SLC26A7: variants seen among roughly 807,000 people sequenced by gnomAD.
SLC26A7 encodes the protein anion exchange transporter.
Under a neutral mutation model 82.5 loss-of-function variants are expected in SLC26A7, and 59 were observed. The observed-to-expected ratio is 0.72, with a 90% CI of 0.58 to 0.89. SLC26A7 has a LOEUF of 0.89. Ranked by LOEUF, SLC26A7 falls within the 40% of genes least tolerant of loss-of-function variation. The pLI, the probability that SLC26A7 is intolerant of heterozygous loss-of-function variation, is 0.00. For missense variants in SLC26A7, 820 were observed against 793.0 expected (o/e 1.03, Z -0.41); for synonymous variants, 271 against 274.3 (o/e 0.99, Z 0.12).
intron 2 of SLC26A7, among the ~76,000 whole-genome samples, chr8:91,221,284 G>A (rs992164308): frequency 6.6e-6 from 1 of 151,942 alleles, no homozygotes; most frequent in Non-Finnish European, 1.5e-5. Flanking sequence ...TTGTCAGATG[G>A]GTCGATTGCA....
chr8:91,210,161 T>C (rs1669296540), intron 1 of SLC26A7, among the ~76,000 whole-genome samples: 3 of 152,200 alleles, frequency 2.0e-5, no homozygotes, highest in African/African-American at 7.2e-5. Context: ...TCATATTAAC[T>C]TTGTGACTTG....
intron 2 of SLC26A7, among the ~76,000 whole-genome samples, chr8:91,265,104 C>G (rs932879664): frequency 6.6e-6 from 1 of 151,974 alleles, no homozygotes; most frequent in African/African-American, 2.4e-5. Context: ...TGAGATAAAC[C>G]TTTTTAGATT....
intron 8 of SLC26A7, 44 bp from the exon 9 acceptor site, chr8:91,343,309 C>T: frequency 7.9e-7 from 1 of 1,261,882 alleles, no homozygotes; most frequent in Non-Finnish European, 1.1e-6. Flanking sequence ...CTCTAAAAGT[C>T]TATTGTGATT....
intron 4 of SLC26A7, among the ~76,000 whole-genome samples, chr8:91,299,181 A>G (rs1812094775): frequency 6.6e-6 from 1 of 152,106 alleles, no homozygotes; most frequent in Non-Finnish European, 1.5e-5. Flanking sequence ...TTCAAATTTT[A>G]AGAGTTCTTT....
At chr8:91,213,778 A>G (rs1446336334) in intron 1 of SLC26A7, among the ~76,000 whole-genome samples, 1 of 152,180 alleles carries the variant, frequency 6.6e-6, no homozygotes, top group Non-Finnish European at 1.5e-5. Context: ...TGGAGAAGAA[A>G]GTAAACAGAA....
rs941231405 is a variant in SLC26A7, at chr8:91,384,519, C to A, written c.1676-4819C>A. 3.9e-5 allele frequency among the ~76,000 whole-genome samples: 6 copies of A among 152,230 alleles called. No individual in the cohort carries two copies. In the East Asian group the frequency reaches 9.6e-4, roughly 24 times the overall value. The stretch of plus-strand genomic sequence containing the variant: ...TTCGCAGTTTCTGGAGATTAAAATG[C>A]GTGCATCCTTAAGGGGCATTATTCT... On this transcript the variant is annotated intron_variant, in intron 15 of 18. Transcript: ENST00000276609.
chr8:91,314,849 G>A (rs546811300), intron 4 of SLC26A7, among the ~76,000 whole-genome samples: 1 of 152,202 alleles, frequency 6.6e-6, no homozygotes, highest in Admixed American at 6.5e-5. Context: ...TTTCTCATTT[G>A]TGTTGCAAGG....
chr8:91,359,858 A>C (rs1251774179), intron 11 of SLC26A7, among the ~76,000 whole-genome samples: 1 of 149,588 alleles, frequency 6.7e-6, no homozygotes, highest in Non-Finnish European at 1.5e-5. Flanking sequence ...GTATCATGGA[A>C]GTAAAATTAT....
At chr8:91,351,058 T>C (rs1388279406) in intron 9 of SLC26A7, among the ~76,000 whole-genome samples, 2 of 152,156 alleles carry the variant, frequency 1.3e-5, no homozygotes, top group Non-Finnish European at 2.9e-5. Context: ...TCTAGGCATC[T>C]CCATGGCCTG....
chr8:91,262,139 G>T (rs934678393), intron 2 of SLC26A7, among the ~76,000 whole-genome samples: 1 of 152,030 alleles, frequency 6.6e-6, no homozygotes, highest in South Asian at 2.1e-4. Context: ...GTGGCACTGC[G>T]CCTGGAGATG....
At chr8:91,357,014 T>C (rs1319019005) in intron 11 of SLC26A7, among the ~76,000 whole-genome samples, 1 of 152,168 alleles carries the variant, frequency 6.6e-6, no homozygotes, top group Non-Finnish European at 1.5e-5. Flanking sequence ...ATCTCTCCAT[T>C]CTTCATCTTG....
intron 2 of SLC26A7, among the ~76,000 whole-genome samples, chr8:91,286,392 C>G (rs776682534): frequency 1.3e-5 from 2 of 152,176 alleles, no homozygotes; most frequent in Non-Finnish European, 2.9e-5. Context: ...AAAGTCTTCT[C>G]GTGACCATTC....
At chr8:91,219,831 C>G (rs1810129826) in intron 2 of SLC26A7, among the ~76,000 whole-genome samples, 1 of 152,152 alleles carries the variant, frequency 6.6e-6, no homozygotes, top group Admixed American at 6.6e-5. Context: ...TTTGCATGCT[C>G]TAGTTTGAGA....
chr8:91,317,626 T>C (rs1228546074), intron 4 of SLC26A7, among the ~76,000 whole-genome samples: 1 of 152,198 alleles, frequency 6.6e-6, no homozygotes, highest in Non-Finnish European at 1.5e-5. Flanking sequence ...TTCCCATTTC[T>C]CAGAATCTGG....
At chr8:91,266,876 G>C (rs1297477813) in intron 2 of SLC26A7, among the ~76,000 whole-genome samples, 1 of 151,970 alleles carries the variant, frequency 6.6e-6, no homozygotes, top group Non-Finnish European at 1.5e-5. Flanking sequence ...TTGTGGGCCT[G>C]TGATATATGG....
At chr8:91,230,873 T>C (rs181271336) in intron 2 of SLC26A7, among the ~76,000 whole-genome samples, 95 of 152,294 alleles carry the variant, frequency 6.2e-4, no homozygotes, top group African/African-American at 2.0e-3. Context: ...CCAAATTGAA[T>C]TTATAAGACT....
Position 91,318,250 on chromosome 8 carries a change from C to T in SLC26A7, c.512C>T (p.Thr171Ile), listed in dbSNP as rs149883220. 160 of 1,604,410 alleles carry T rather than the reference C, an allele frequency of 1.0e-4. No individual in the cohort carries two copies. In the African/African-American group the frequency reaches 2.0e-3, roughly 20 times the overall value. ...AMFVLQLGSATFVVTEPVISA... is the reference protein window; with the variant it reads ...AMFVLQLGSAIFVVTEPVISA... Reference sequence around the variant, plus strand: ...TTTGTGCTGCAACTGGGCAGTGCCACATTTGTGGTCACAGAGCCTGTGATC... The same window carrying T: ...TTTGTGCTGCAACTGGGCAGTGCCATATTTGTGGTCACAGAGCCTGTGATC... The change falls in exon 5 of 19, where the codon ACA becomes ATA. Residue 171 changes from threonine to isoleucine, a missense_variant. Coordinates refer to ENST00000276609, the MANE Select transcript of SLC26A7 (RefSeq NM_052832.4).
chr8:91,315,201 G>A (rs1229301291), intron 4 of SLC26A7, among the ~76,000 whole-genome samples: 1 of 152,136 alleles, frequency 6.6e-6, no homozygotes, highest in African/African-American at 2.4e-5. Context: ...TAAATTCCAT[G>A]TATGCACACT....
chr8:91,363,958 T>TC (rs1288640521), intron 13 of SLC26A7, among the ~76,000 whole-genome samples: 2 of 125,592 alleles, frequency 1.6e-5, no homozygotes, highest in Non-Finnish European at 3.5e-5. Context: ...TTTTTTTTTT[T>TC]CTTAACTCAG....
Sources: gnomAD v4.1 joint callset for allele counts (sites outside exome capture counted in the v4.1 genomes callset) on GRCh38, gnomAD v4.1.1 for gene constraint, MANE v1.5 for transcripts, NCBI Gene and HGNC (gene_info 2026-07-23, HGNC 2026-07-21) for gene names.